The following NRG3 variants were observed in gnomAD, a reference collection of about 807,000 sequenced individuals.
NRG3 encodes the protein neuregulin 3, also known as pro-neuregulin-3, membrane-bound isoform.
A neutral mutation model predicts 66.9 loss-of-function variants in NRG3; 31 were observed. That is an observed-to-expected ratio of 0.46 (90% CI 0.35 to 0.63). The LOEUF is 0.63. NRG3 is among the 20% of genes least tolerant of loss of function. The pLI is 0.00. For synonymous variants in NRG3, 393 were observed against 359.4 expected (o/e 1.09, Z -1.06); for missense variants, 910 against 878.9 (o/e 1.04, Z -0.45).
At position 82,370,379 on chromosome 10, in the gene NRG3, G is replaced by A. The variant is rs1392603596; in HGVS notation, c.953+11511G>A. Among the ~76,000 whole-genome samples the A allele has an allele frequency of 5.1e-5, 7 of 138,118 alleles. 1 individual carries two copies. The highest frequency in any genetic ancestry group is 1.0e-4 in the African/African-American group (3 of 29,650). The allele number at this position is 138,118 out of a possible 152,430, so 90.6% of individuals were successfully genotyped here. A position where few individuals can be genotyped will look rare whatever the true frequency, so the allele number is the denominator to read the frequency against. ...CCTGCTGAACTCCCCTCAGCATCCA[G>A]ACATCCCTCCTCTTCTCTTTCTCTG... On this transcript the variant is annotated intron_variant, in intron 2 of 8. Transcript: ENST00000372141.
chr10:82,833,827 T>G (rs1275300380), intron 3 of NRG3, among the ~76,000 whole-genome samples: 2 of 152,112 alleles, frequency 1.3e-5, no homozygotes, highest in Non-Finnish European at 2.9e-5. Context: ...CTGGAAAGAG[T>G]GAGCAGCTGA....
At chr10:82,384,596 A>G (rs1745472712) in intron 2 of NRG3, among the ~76,000 whole-genome samples, 1 of 152,238 alleles carries the variant, frequency 6.6e-6, no homozygotes, top group Non-Finnish European at 1.5e-5. Context: ...ATGTCCCTGC[A>G]GAGAAAATGA....
At chr10:82,723,065 C>A (rs1190460953) in intron 2 of NRG3, among the ~76,000 whole-genome samples, 2 of 152,162 alleles carry the variant, frequency 1.3e-5, no homozygotes, top group Non-Finnish European at 2.9e-5. Flanking sequence ...GACGTGGAAT[C>A]AACCTAGGTG....
intron 1 of NRG3, among the ~76,000 whole-genome samples, chr10:82,314,960 C>G (rs528146191): frequency 2.0e-5 from 3 of 152,152 alleles, no homozygotes; most frequent in Non-Finnish European, 4.4e-5. Context: ...ATTTTTTACA[C>G]TATAAACTGA....
At chr10:82,782,984 G>A (rs2060183520) in intron 3 of NRG3, among the ~76,000 whole-genome samples, 1 of 152,140 alleles carries the variant, frequency 6.6e-6, no homozygotes, top group African/African-American at 2.4e-5. Context: ...ACCAAATCCA[G>A]CAGCACATCA....
intron 1 of NRG3, among the ~76,000 whole-genome samples, chr10:82,050,336 C>G (rs2063532637): frequency 6.6e-6 from 1 of 151,486 alleles, no homozygotes; most frequent in Non-Finnish European, 1.5e-5. Context: ...ACTTTTGCAC[C>G]CAAGTAATAT....
chr10:82,066,600 C>T (rs1009015075), intron 1 of NRG3, among the ~76,000 whole-genome samples: 1 of 152,128 alleles, frequency 6.6e-6, no homozygotes, highest in African/African-American at 2.4e-5. Context: ...ATCAGAGGTC[C>T]TACAAGCACA....
intron 6 of NRG3, among the ~76,000 whole-genome samples, chr10:82,971,919 C>T (rs1851787040): frequency 1.3e-5 from 2 of 152,068 alleles, no homozygotes; most frequent in African/African-American, 4.8e-5. Context: ...TTCACCTGTA[C>T]ATTGCAGGGT....
intron 1 of NRG3, among the ~76,000 whole-genome samples, chr10:81,970,891 G>T (rs953311190): frequency 6.6e-6 from 1 of 152,192 alleles, no homozygotes; most frequent in African/African-American, 2.4e-5. Context: ...TGTAATCCCA[G>T]CACTTTGGGA....
chr10:82,874,071 T>C (rs1023023013), intron 4 of NRG3, among the ~76,000 whole-genome samples: 2 of 152,062 alleles, frequency 1.3e-5, no homozygotes, highest in African/African-American at 4.8e-5. Context: ...TCAACGTCTG[T>C]GATATAAATT....
chr10:82,393,027 G>GA (rs58736316), intron 2 of NRG3, among the ~76,000 whole-genome samples: 27,844 of 151,788 alleles, frequency 0.18, 3,648 homozygotes, highest in African/African-American at 0.37. Flanking sequence ...TCACCTTTCT[G>GA]CAGGAATGGG....
intron 1 of NRG3, among the ~76,000 whole-genome samples, chr10:82,299,039 G>A (rs1364339108): frequency 5.3e-5 from 8 of 152,154 alleles, no homozygotes; most frequent in African/African-American, 1.7e-4. Flanking sequence ...GACCCTGGAA[G>A]TATATTGAGA....
intron 1 of NRG3, among the ~76,000 whole-genome samples, chr10:81,969,171 G>A (rs1445157540): frequency 6.6e-6 from 1 of 152,158 alleles, no homozygotes; most frequent in Admixed American, 6.5e-5. Flanking sequence ...CCTGAACAAA[G>A]TTTTCCTGTC....
intron 2 of NRG3, among the ~76,000 whole-genome samples, chr10:82,585,036 G>T (rs1473838402): frequency 6.6e-6 from 1 of 151,716 alleles, no homozygotes; most frequent in Admixed American, 6.6e-5. Flanking sequence ...GGGAGTTTTG[G>T]CTGTATGGGT....
chr10:82,665,594 G>A (rs2052707444), intron 2 of NRG3, among the ~76,000 whole-genome samples: 1 of 152,060 alleles, frequency 6.6e-6, no homozygotes, highest in South Asian at 2.1e-4. Flanking sequence ...AACCTCATAA[G>A]CATCTTTAGT....
chr10:82,498,090 GT>G (rs1207988701), intron 2 of NRG3, among the ~76,000 whole-genome samples: 1,785 of 144,072 alleles, frequency 0.012, 33 homozygotes, highest in African/African-American at 0.037. Context: ...GAGTTATTTG[GT>G]TTTTTTTTTT....
chr10:82,928,648 C>G (rs1482022497), intron 4 of NRG3, among the ~76,000 whole-genome samples: 12 of 149,204 alleles, frequency 8.0e-5, no homozygotes, highest in Non-Finnish European at 1.6e-4. Context: ...CAAACTTGTT[C>G]AAAGAGTAAA....
rs985765907 is a variant in NRG3 at position 82,629,040 on chromosome 10, G to A, written c.954-109537G>A. ...AAATTCATTTATTCAAATGTTAAGT[G>A]AGCATAGTAATATCTATCTTTTAGA... On this transcript the variant is annotated intron_variant, in intron 2 of 8. Transcript: ENST00000372141. 5.3e-5 allele frequency among the ~76,000 whole-genome samples: 8 copies of A among 152,290 alleles called. 1 individual carries two copies. In the South Asian group the frequency reaches 1.4e-3, roughly 28 times the overall value.
intron 8 of NRG3, among the ~76,000 whole-genome samples, chr10:82,981,126 G>T (rs1239583798): frequency 6.6e-6 from 1 of 152,072 alleles, no homozygotes; most frequent in Non-Finnish European, 1.5e-5. Context: ...TGGAGCCTGT[G>T]CCAGGCTCAA....
Sources: allele counts gnomAD v4.1 joint callset (sites outside exome capture counted in the v4.1 genomes callset), GRCh38; gene constraint gnomAD v4.1.1; transcripts MANE v1.5; gene names NCBI Gene and HGNC (gene_info 2026-07-23, HGNC 2026-07-21).